The following ZNF804B variants were observed in gnomAD, a reference collection of about 807,000 sequenced individuals.
ZNF804B encodes the protein zinc finger protein 804B.
Under a neutral mutation model 101.4 loss-of-function variants are expected in ZNF804B, and 80 were observed. The observed-to-expected ratio is 0.79, with a 90% CI of 0.66 to 0.95. ZNF804B has a LOEUF of 0.95. ZNF804B is among the 40% of genes least tolerant of loss of function. The pLI is 0.00. For missense variants in ZNF804B, 1,673 were observed against 1,561.9 expected, an observed-to-expected ratio of 1.07 and a Z score of -1.20; for synonymous variants, 622 against 558.8, an observed-to-expected ratio of 1.11 and a Z score of -1.59.
chr7:89,090,131 T>C (rs1405437197), intron 1 of ZNF804B, among the ~76,000 whole-genome samples: 1 of 152,082 alleles, frequency 6.6e-6, no homozygotes, highest in Non-Finnish European at 1.5e-5. Flanking sequence ...TCATCATTAA[T>C]TAATAATAGA....
chr7:88,908,336 T>C (rs1792501683), intron 1 of ZNF804B, among the ~76,000 whole-genome samples: 1 of 151,794 alleles, frequency 6.6e-6, no homozygotes, highest in Non-Finnish European at 1.5e-5. Context: ...CCTGTTTTTT[T>C]TAATGAATGA....
intron 2 of ZNF804B, among the ~76,000 whole-genome samples, chr7:89,319,167 C>T (rs1030665822): frequency 6.6e-6 from 1 of 152,144 alleles, no homozygotes; most frequent in Admixed American, 6.5e-5. Flanking sequence ...CCATTATGGA[C>T]AGGCTATAGT....
At chr7:88,983,765 AT>A (rs1482423546) in intron 1 of ZNF804B, among the ~76,000 whole-genome samples, 1 of 152,078 alleles carries the variant, frequency 6.6e-6, no homozygotes, top group African/African-American at 2.4e-5. Context: ...AATTATATAT[AT>A]GGTTCACATT....
intron 2 of ZNF804B, among the ~76,000 whole-genome samples, chr7:89,292,758 C>A (rs950225902): frequency 2.6e-5 from 4 of 151,840 alleles, no homozygotes; most frequent in Non-Finnish European, 5.9e-5. Flanking sequence ...TTAAAATTAT[C>A]TTAATGTAAT....
intron 1 of ZNF804B, among the ~76,000 whole-genome samples, chr7:88,904,248 G>C (rs972377342): frequency 6.6e-6 from 1 of 152,104 alleles, no homozygotes; most frequent in Non-Finnish European, 1.5e-5. Context: ...CCTTGTCAAA[G>C]ATCAGATAGT....
At chr7:88,777,740 C>T (rs1300216942) in intron 1 of ZNF804B, among the ~76,000 whole-genome samples, 1 of 150,828 alleles carries the variant, frequency 6.6e-6, no homozygotes, top group Non-Finnish European at 1.5e-5. Flanking sequence ...CCCAGCTACT[C>T]TGGAGGCTGA....
At chr7:89,174,194 C>T (rs577073668) in intron 1 of ZNF804B, among the ~76,000 whole-genome samples, 16 of 151,896 alleles carry the variant, frequency 1.1e-4, no homozygotes, top group South Asian at 2.1e-4. Context: ...TTCCATCTAA[C>T]TATATACTTT....
In ZNF804B at chr7:89,333,702, G is replaced by C; in HGVS notation, c.720G>C (p.Glu240Asp). The C allele has an allele frequency of 8.7e-6, 14 of 1,613,446 alleles. No homozygotes were observed. Among genetic ancestry groups the C allele is most frequent in the Non-Finnish European group, 1.2e-5 (14 of 1,179,708 alleles). ...KLESSASVFS[E>D]NTEETHDCNK... is the part of the protein sequence containing the mutation. ...AATCTTCAGCATCAGTTTTCAGTGA[G>C]AACACAGAAGAAACCCATGATTGTA... The change falls in exon 4 of 4, where the codon GAG becomes GAC. Residue 240 changes from glutamate to aspartate, a missense_variant. By Grantham distance (45) the Glu-to-Asp change is conservative. Transcript: ENST00000333190.
intron 1 of ZNF804B, among the ~76,000 whole-genome samples, chr7:89,071,793 C>CACACACACACAT (rs1554361367): frequency 6.6e-6 from 1 of 151,896 alleles, no homozygotes; most frequent in African/African-American, 2.4e-5. Flanking sequence ...CACACACACA[C>CACACACACACAT]ACACACACAC....
At chr7:89,231,809 G>A (rs1396191039) in intron 2 of ZNF804B, among the ~76,000 whole-genome samples, 1 of 151,810 alleles carries the variant, frequency 6.6e-6, no homozygotes, top group Non-Finnish European at 1.5e-5. Context: ...GTTCAACTTG[G>A]TTGTTAGTTC....
At chr7:89,219,901 G>GTATATACATATA (rs1788957891) in intron 2 of ZNF804B, among the ~76,000 whole-genome samples, 2 of 20,204 alleles carry the variant, frequency 9.9e-5, no homozygotes, top group African/African-American at 2.9e-4. Flanking sequence ...ATGTATATAT[G>GTATATACATATA]TGTGTGCATA....
At chr7:89,121,430 T>G (rs1583998770) in intron 1 of ZNF804B, among the ~76,000 whole-genome samples, 1 of 151,960 alleles carries the variant, frequency 6.6e-6, no homozygotes, top group Non-Finnish European at 1.5e-5. Context: ...TTAATAGCCA[T>G]GGAATAAAAT....
intron 1 of ZNF804B, among the ~76,000 whole-genome samples, chr7:88,805,585 A>G (rs1391890551): frequency 1.3e-5 from 2 of 152,228 alleles, no homozygotes; most frequent in Non-Finnish European, 2.9e-5. Context: ...GTTTTAATAT[A>G]TGTGAACATA....
intron 1 of ZNF804B, among the ~76,000 whole-genome samples, chr7:88,850,044 T>C (rs1562811222): frequency 6.6e-6 from 1 of 152,104 alleles, no homozygotes; most frequent in African/African-American, 2.4e-5. Flanking sequence ...ATTCAAATAA[T>C]AGGAAGAAAT....
intron 1 of ZNF804B, among the ~76,000 whole-genome samples, chr7:89,026,102 G>T (rs1020894208): frequency 2.6e-5 from 4 of 151,982 alleles, no homozygotes; most frequent in African/African-American, 7.2e-5. Context: ...TTAAATCCCC[G>T]TAATGTGCCA....
At chr7:89,141,085 A>G (rs1190990615) in intron 1 of ZNF804B, among the ~76,000 whole-genome samples, 2 of 151,984 alleles carry the variant, frequency 1.3e-5, no homozygotes, top group Admixed American at 6.6e-5. Flanking sequence ...GAGATGGGGA[A>G]CAGCCTGTCA....
intron 1 of ZNF804B, among the ~76,000 whole-genome samples, chr7:89,185,405 A>G (rs1186882456): frequency 6.6e-6 from 1 of 152,178 alleles, no homozygotes; most frequent in Non-Finnish European, 1.5e-5. Context: ...TTCCTATAAA[A>G]CAGTGGGAAC....
intron 2 of ZNF804B, among the ~76,000 whole-genome samples, chr7:89,291,299 C>G (rs912961207): frequency 2.7e-5 from 4 of 150,674 alleles, no homozygotes; most frequent in Non-Finnish European, 5.9e-5. Context: ...AGACAGAAAC[C>G]AATCATATTG....
chr7:89,259,424 C>A (rs893009435), intron 2 of ZNF804B, among the ~76,000 whole-genome samples: 1 of 152,186 alleles, frequency 6.6e-6, no homozygotes, highest in Non-Finnish European at 1.5e-5. Context: ...GTACAGTTTT[C>A]TCCAGCAGTA....
Sources: gnomAD v4.1 joint callset for allele counts (sites outside exome capture counted in the v4.1 genomes callset) on GRCh38, gnomAD v4.1.1 for gene constraint, MANE v1.5 for transcripts, NCBI Gene and HGNC (gene_info 2026-07-23, HGNC 2026-07-21) for gene names.